The following EVL variants were observed in gnomAD, a reference collection of about 807,000 sequenced individuals.
The protein encoded by EVL is Enah/Vasp-like.
A neutral mutation model predicts 59.6 loss-of-function variants in EVL; 21 were observed. That is an observed-to-expected ratio of 0.35 (90% confidence interval 0.25 to 0.51). The LOEUF is 0.51. EVL is among the 20% of genes least tolerant of loss of function. The pLI is 0.97. For missense variants in EVL, 462 were observed against 546.6 expected, an observed-to-expected ratio of 0.85 and a Z score of 1.54; for synonymous variants, 198 against 203.5, an observed-to-expected ratio of 0.97 and a Z score of 0.23.
At chr14:100,124,006 A>T (rs1243119698) in intron 4 of EVL, among the ~76,000 whole-genome samples, 1 of 152,224 alleles carries the variant, frequency 6.6e-6, no homozygotes, top group African/African-American at 2.4e-5. Context: ...TAGGGACCAT[A>T]GGAATGAACC....
intron 11 of EVL, chr14:100,138,488 CA>C (rs1248477878): frequency 6.5e-6 from 1 of 152,806 alleles, no homozygotes; most frequent in Non-Finnish European, 1.5e-5. Flanking sequence ...GAACCTGCGT[CA>C]AGAATGTCTC....
At chr14:100,076,723 G>T (rs969121154) in intron 1 of EVL, among the ~76,000 whole-genome samples, 1 of 152,228 alleles carries the variant, frequency 6.6e-6, no homozygotes, top group Non-Finnish European at 1.5e-5. Flanking sequence ...CCACAGCAGA[G>T]GCCACAGAGT....
intron 1 of EVL, among the ~76,000 whole-genome samples, chr14:99,999,987 T>C (rs986898256): frequency 6.6e-6 from 1 of 152,252 alleles, no homozygotes; most frequent in African/African-American, 2.4e-5. Flanking sequence ...TGCTTAACTG[T>C]GTTACCTGGC....
chr14:100,055,255 T>C lies in EVL; in HGVS notation c.6-29432T>C, dbSNP rs564481753. On this transcript the variant is annotated intron_variant, in intron 1 of 13. Coordinates refer to the EVL transcript ENST00000402714. ...TTAAATCTGCCTATTCTGAGTATCA[T>C]ATAAATGTAATCATATAATATGTGG... Among the ~76,000 whole-genome samples the C allele has an allele frequency of 3.9e-5, 6 of 152,126 alleles. No individual in the cohort carries two copies. In the East Asian group the frequency reaches 1.2e-3, roughly 29 times the overall value.
At chr14:99,979,164 G>A (rs1001255422) in intron 1 of EVL, among the ~76,000 whole-genome samples, 2 of 151,670 alleles carry the variant, frequency 1.3e-5, no homozygotes, top group African/African-American at 2.4e-5. Flanking sequence ...CACTCTCACC[G>A]CCCATACACA....
At chr14:100,117,993 A>G (rs1359623112) in intron 3 of EVL, among the ~76,000 whole-genome samples, 1 of 152,252 alleles carries the variant, frequency 6.6e-6, no homozygotes, top group African/African-American at 2.4e-5. Flanking sequence ...ATAGGTCAAA[A>G]ACTATGGTAA....
chr14:100,073,099 T>C (rs1245852691), intron 1 of EVL, among the ~76,000 whole-genome samples: 2 of 152,128 alleles, frequency 1.3e-5, no homozygotes, highest in African/African-American at 4.8e-5. Context: ...CTCATTCACC[T>C]GGGTAGGTGT....
intron 3 of EVL, among the ~76,000 whole-genome samples, chr14:100,099,869 G>A (rs112079054): frequency 0.037 from 5,613 of 151,694 alleles, 125 homozygotes; most frequent in Non-Finnish European, 0.042. Flanking sequence ...CACTGCGCCC[G>A]GCCCAGCTTT....
Position 100,143,958 on chromosome 14 carries a change from C to G in EVL, c.*220C>G. Reference sequence around the variant, plus strand: ...CCTGACACGGAACACCAGGTCTGCTCGTCTTTTTTGTGTTTTATATTTGCT... The same window carrying G: ...CCTGACACGGAACACCAGGTCTGCTGGTCTTTTTTGTGTTTTATATTTGCT... On this transcript the variant is annotated 3_prime_UTR_variant, in exon 14 of 14. Coordinates refer to ENST00000392920, the MANE Select transcript of EVL (RefSeq NM_016337.3). 1 of 551,838 alleles carries G rather than the reference C, an allele frequency of 1.8e-6. No homozygotes were observed. Among genetic ancestry groups the G allele is most frequent in the Non-Finnish European group, 3.2e-6 (1 of 313,124 alleles). The allele number at this position is 551,838 out of a possible 1,614,324, so 34.2% of individuals were successfully genotyped here.
rs976149832 is a variant in EVL at position 100,046,351 on chromosome 14, C to T, written c.6-38336C>T. ...AGGCATTGGGTTATTTATTCTTTAGCAAACACAGTGTTGACTAAGAATTTT... is the reference window on the plus strand; with the variant it reads ...AGGCATTGGGTTATTTATTCTTTAGTAAACACAGTGTTGACTAAGAATTTT... On this transcript the variant is annotated intron_variant, in intron 1 of 13. Transcript: ENST00000402714. Among the ~76,000 whole-genome samples, 4 of 152,016 alleles carry T rather than the reference C, an allele frequency of 2.6e-5. 1 individual carries two copies. The highest frequency in any genetic ancestry group is 2.6e-4 in the Admixed American group (4 of 15,276).
chr14:100,119,650 C>T (rs780973574), intron 3 of EVL, among the ~76,000 whole-genome samples: 3 of 152,232 alleles, frequency 2.0e-5, no homozygotes, highest in Non-Finnish European at 2.9e-5. Flanking sequence ...AACAGTAATG[C>T]GAACAAATAT....
At position 100,140,191 on chromosome 14, in the gene EVL, T is replaced by TA. The variant is rs1479320535; in HGVS notation, c.1095-988dup. 2.0e-5 allele frequency: 3 copies of TA among 152,310 alleles called. No individual in the cohort carries two copies. The East Asian group carries it at 5.8e-4, about 29-fold the overall frequency. The allele number at this position is 152,310 out of a possible 1,614,324, so 9.4% of individuals were successfully genotyped here. On this transcript the variant is annotated intron_variant, in intron 11 of 13. Coordinates refer to ENST00000392920, the MANE Select transcript of EVL (RefSeq NM_016337.3). The stretch of plus-strand genomic sequence containing the variant: ...AGGTTGAGGCTGCAGTGAGGCATGA[T>TA]ACGCCTCTGTACTCCAGCCTGGTTG...
chr14:100,081,010 C>T (rs1396143607), intron 1 of EVL, among the ~76,000 whole-genome samples: 1 of 152,142 alleles, frequency 6.6e-6, no homozygotes, highest in Non-Finnish European at 1.5e-5. Context: ...GTGGCTCATG[C>T]CAGTAATCCC....
intron 1 of EVL, among the ~76,000 whole-genome samples, chr14:100,014,815 A>G (rs2061038950): frequency 6.6e-6 from 1 of 152,194 alleles, no homozygotes; most frequent in African/African-American, 2.4e-5. Flanking sequence ...AAGTGAAACC[A>G]GGGAGAAATG....
At position 100,128,617 on chromosome 14, in the gene EVL, C is replaced by T. The variant is rs765634073; in HGVS notation, c.586C>T (p.Pro196Ser). ...CCCCCCACCCCCAGTCCCACCTCCA[C>T]CCACTGGGGCTACCCCACCTCCCCC... Reference protein sequence around the residue: ...PPPPPPVPPPPTGATPPPPPP... With the variant: ...PPPPPPVPPPSTGATPPPPPP... The change falls in exon 6 of 14, where the codon CCC (proline) becomes TCC (serine). Residue 196 changes from proline to serine, a missense_variant. Transcript: ENST00000392920. 3.9e-5 allele frequency: 59 copies of T among 1,506,080 alleles called. 1 individual carries two copies. The South Asian group carries it at 6.9e-4, about 18-fold the overall frequency. The allele number at this position is 1,506,080 out of a possible 1,614,324, so 93.3% of individuals were successfully genotyped here.
chr14:100,082,391 T>C (rs1360997296), intron 1 of EVL, among the ~76,000 whole-genome samples: 1 of 152,076 alleles, frequency 6.6e-6, no homozygotes, highest in Non-Finnish European at 1.5e-5. Context: ...AGGGGACTGG[T>C]AGCTTTGTCG....
At chr14:100,051,120 T>C (rs2061641176) in intron 1 of EVL, among the ~76,000 whole-genome samples, 1 of 152,328 alleles carries the variant, frequency 6.6e-6, no homozygotes, top group South Asian at 2.1e-4. Flanking sequence ...TTCAGTTACC[T>C]GAGGTCAACT....
intron 2 of EVL, 61 bp from the exon 3 acceptor site, chr14:100,097,420 G>A (rs1338850314): frequency 2.8e-5 from 42 of 1,475,496 alleles, no homozygotes; most frequent in South Asian, 2.6e-4. Context: ...CCATCGCAGC[G>A]CCCTCGAGCT....
At chr14:100,022,794 T>G (rs964456974) in intron 1 of EVL, among the ~76,000 whole-genome samples, 1 of 152,164 alleles carries the variant, frequency 6.6e-6, no homozygotes, top group Non-Finnish European at 1.5e-5. Flanking sequence ...AAGCAAGCTA[T>G]CCAGCTAGCT....
Sources: gnomAD v4.1 joint callset for allele counts (sites outside exome capture counted in the v4.1 genomes callset) on GRCh38, gnomAD v4.1.1 for gene constraint, MANE v1.5 for transcripts, NCBI Gene and HGNC (gene_info 2026-07-23, HGNC 2026-07-21) for gene names.